The following LAMA5 variants were observed in gnomAD, a reference collection of about 807,000 sequenced individuals.
LAMA5 encodes the protein laminin subunit alpha 5.
A neutral mutation model predicts 433.4 loss-of-function variants in LAMA5; 260 were observed. The ratio of observed to expected loss-of-function variants is 0.60; its 90% CI spans 0.54 to 0.66. LAMA5 has a LOEUF of 0.66. LAMA5 is among the 30% of genes least tolerant of loss of function. The pLI is 0.00. For missense variants in LAMA5, 5,378 were observed against 5,258.5 expected, an observed-to-expected ratio of 1.02 and a Z score of -0.70; for synonymous variants, 2,620 against 2,226.6, an observed-to-expected ratio of 1.18 and a Z score of -4.97.
chr20:62,324,150 C>T lies in LAMA5; in HGVS notation c.5698G>A (p.Val1900Met), dbSNP rs2427283. 1,062,948 of 1,556,012 alleles carry T rather than the reference C, an allele frequency of 0.68. 364,673 individuals are homozygous for T. Among genetic ancestry groups the T allele is most frequent in the East Asian group, 0.78 (33,755 of 43,538 alleles). ...AHCERCQAGFVSSRDDPSAPC... is the reference protein window; with the variant it reads ...AHCERCQAGFMSSRDDPSAPC... Reference sequence around the variant, plus strand: ...GCGCTGGGGTCGTCCCTGCTGCTCACGAAGCCAGCCTGGCAGCGCTCACAG... The same window carrying T: ...GCGCTGGGGTCGTCCCTGCTGCTCATGAAGCCAGCCTGGCAGCGCTCACAG... The change falls in exon 43 of 80, where the codon GTG (valine) becomes ATG (methionine). Residue 1900 changes from valine (V) to methionine (M), a missense_variant. Physicochemically the swap from Val to Met is conservative, Grantham distance 21. Transcript: ENST00000252999. The surrounding 1 kb of genome is among the most constrained non-coding windows in gnomAD (Gnocchi z 4.4).
At position 62,317,660 on chromosome 20, in the gene LAMA5, A is replaced by G; in HGVS notation, c.7356+2T>C. ...GCGACAGGGGCCAGGGGCTGCACTCACCTCCTTAGCCTGGTCCAGGCTGTG... is the reference window on the plus strand; with the variant it reads ...GCGACAGGGGCCAGGGGCTGCACTCGCCTCCTTAGCCTGGTCCAGGCTGTG... On this transcript the variant is annotated splice_donor_variant, in intron 54 of 79. Transcript: ENST00000252999. LOFTEE classifies it high-confidence loss of function. 1 of 1,567,962 alleles carries G rather than the reference A, an allele frequency of 6.4e-7. No individual in the cohort carries two copies. The highest frequency in any genetic ancestry group is 8.6e-7 in the Non-Finnish European group (1 of 1,157,188).
At chr20:62,333,804 A>G (rs1980979370) in intron 23 of LAMA5, 97 bp downstream of exon 23, 1 of 1,246,120 alleles carries the variant, frequency 8.0e-7, no homozygotes, top group Non-Finnish European at 1.0e-6. Flanking sequence ...CCTACCACCC[A>G]CATGAGCCAG....
At chr20:62,354,740 G>A (rs1193200949) in intron 2 of LAMA5, among the ~76,000 whole-genome samples, 1 of 152,088 alleles carries the variant, frequency 6.6e-6, no homozygotes, top group Admixed American at 6.5e-5. Flanking sequence ...ACCCGCCATA[G>A]CCTCTGAGGG....
intron 1 of LAMA5, among the ~76,000 whole-genome samples, chr20:62,364,977 G>A (rs1159078123): frequency 2.6e-5 from 4 of 152,228 alleles, no homozygotes; most frequent in Admixed American, 1.3e-4. Flanking sequence ...CAGACCGGCC[G>A]GCAAGGACTT....
At position 62,313,419 on chromosome 20, in the gene LAMA5, G is replaced by A. The variant is rs150184573; in HGVS notation, c.8700C>T (p.Ile2900=). The A allele has an allele frequency of 7.5e-5, 121 of 1,610,382 alleles. No individual in the cohort carries two copies. The African/African-American group carries it at 1.3e-3, about 17-fold the overall frequency. ...CCTCCTCATTCAGCGTGTCCATCTCGATGCAGCCCCGGTAGCCGGGGAAGC... is the reference window on the plus strand; with the variant it reads ...CCTCCTCATTCAGCGTGTCCATCTCAATGCAGCCCCGGTAGCCGGGGAAGC... ...LLRFPGYRGC[I]EMDTLNEEVV... The change falls in exon 64 of 80, where the codon ATC becomes ATT. Residue 2900 remains isoleucine (I), a synonymous_variant. Coordinates refer to ENST00000252999, the MANE Select transcript of LAMA5 (RefSeq NM_005560.6).
At chr20:62,352,218 C>A in intron 4 of LAMA5, 24 bp downstream of exon 4, 4 of 1,572,888 alleles carry the variant, frequency 2.5e-6, no homozygotes, top group African/African-American at 1.3e-5. Flanking sequence ...AGCCCCCGTA[C>A]CGCCCTGCCC....
chr20:62,351,978 G>A lies in LAMA5; in HGVS notation c.789C>T (p.Phe263=), dbSNP rs368841977. The part of the protein sequence containing the change: ...FTKATNVRLR[F]LRTNTLLGHL... ...GGCCCAGCAGCGTGTTGGTACGCAG[G>A]AAGCGCAGGCGGACGTTGGTGGCCT... Residue 263 remains phenylalanine, a synonymous_variant, in exon 5 of 80, where the codon TTC becomes TTT. Coordinates refer to ENST00000252999, the MANE Select transcript of LAMA5 (RefSeq NM_005560.6). 28 of 1,612,532 alleles carry A rather than the reference G, an allele frequency of 1.7e-5. No homozygotes were observed. Among genetic ancestry groups the A allele is most frequent in the Non-Finnish European group, 2.2e-5 (26 of 1,179,920 alleles).
chr20:62,344,425 T>TCTGTGG (rs1292323521), intron 11 of LAMA5, among the ~76,000 whole-genome samples: 62 of 152,266 alleles, frequency 4.1e-4, no homozygotes, highest in South Asian at 2.1e-4. Flanking sequence ...GCCATGCTGC[T>TCTGTGG]CTGTGGCTGT....
chr20:62,341,929 T>C (rs760548951), intron 11 of LAMA5, among the ~76,000 whole-genome samples: 1 of 151,666 alleles, frequency 6.6e-6, no homozygotes, highest in Non-Finnish European at 1.5e-5. Context: ...CCACTGTGCA[T>C]AACTTTATGT....
In LAMA5 at chr20:62,338,133, C is replaced by T; in HGVS notation, c.1774G>A (p.Ala592Thr). Residue 592 changes from alanine (A) to threonine (T), a missense_variant, in exon 14 of 80, where the codon GCA (alanine) becomes ACA (threonine). Coordinates refer to ENST00000252999, the MANE Select transcript of LAMA5 (RefSeq NM_005560.6). ...PLCQLCGCSPAGTLPEGCDEA... is the reference protein window; with the variant it reads ...PLCQLCGCSPTGTLPEGCDEA... ...TCGCAGCCCTCGGGCAAGGTTCCTG[C>T]AGGGCTGCAGCCACACACTGCAGAG... The T allele has an allele frequency of 2.5e-6, 4 of 1,587,872 alleles. No homozygotes were observed. The highest frequency in any genetic ancestry group is 3.4e-6 in the Non-Finnish European group (4 of 1,166,302).
rs752290946 is a variant in LAMA5, at chr20:62,313,652, G to A, written c.8655C>T (p.Phe2885=). 1.2e-5 allele frequency: 20 copies of A among 1,612,676 alleles called. No individual in the cohort carries two copies. The highest frequency in any genetic ancestry group is 1.7e-5 in the Admixed American group (1 of 60,028). Residue 2885 remains phenylalanine, a synonymous_variant, in exon 63 of 80, where the codon TTC becomes TTT. Transcript: ENST00000252999. ...VFYVGGYPST[F]TPPPLLRFPG... ...GCCCCAGGCCGGGCGGGCTCACCGT[G>A]AAGGTACTGGGGTACCCCCCGACGT...
chr20:62,316,201 T>C, intron 57 of LAMA5, 143 bp from the exon 58 acceptor site: 1 of 641,044 alleles, frequency 1.6e-6, no homozygotes, highest in Non-Finnish European at 2.8e-6. Flanking sequence ...TGGAGTCCCT[T>C]AGCCTGTGGG....
rs6143021 is a variant in LAMA5, at chr20:62,322,716, T to C, written c.6107A>G (p.His2036Arg). 376,367 of 1,541,552 alleles carry C rather than the reference T, an allele frequency of 0.24. 46,810 individuals are homozygous for C. The highest frequency in any genetic ancestry group is 0.26 in the Non-Finnish European group (294,560 of 1,145,232). ...CGCCTTGCACAGGCAGTGCCCGCTG[T>C]GGGGGTCGCAGGCCTCTGTCCCACA... ...TPCGTEACDPHSGHCLCKAGV... is the reference protein window; with the variant it reads ...TPCGTEACDPRSGHCLCKAGV... The change falls in exon 46 of 80, where the codon CAC becomes CGC. Residue 2036 changes from histidine to arginine, a missense_variant. By Grantham distance (29) the His-to-Arg change is conservative. Transcript: ENST00000252999.
intron 20 of LAMA5, 55 bp from the exon 21 acceptor site, chr20:62,334,676 G>T (rs1981203571): frequency 4.8e-6 from 7 of 1,446,152 alleles, no homozygotes; most frequent in Non-Finnish European, 6.5e-6. Flanking sequence ...CAGCCTCAGG[G>T]GCCCCTCACA....
Position 62,346,677 on chromosome 20 carries a change from C to G in LAMA5, c.1191+5G>C, listed in dbSNP as rs762294571. ...GCCCATTCCCAGCCCTCTAGCCCAG[C>G]CCACCTGGCAGTCGATACAGACACC... On this transcript the variant is annotated splice_donor_5th_base_variant and intron_variant, in intron 8 of 79. Coordinates refer to ENST00000252999, the MANE Select transcript of LAMA5 (RefSeq NM_005560.6). The G allele has an allele frequency of 1.9e-6, 3 of 1,612,642 alleles. No homozygotes were observed. The highest frequency in any genetic ancestry group is 1.7e-6 in the Non-Finnish European group (2 of 1,179,318).
At chr20:62,357,598 C>A (rs79583863) in intron 2 of LAMA5, among the ~76,000 whole-genome samples, 1,745 of 152,352 alleles carry the variant, frequency 0.011, 32 homozygotes, top group African/African-American at 0.039. Context: ...GTGCCCCACA[C>A]AGACACCTCT....
rs113725058 is a variant in LAMA5, at chr20:62,362,316, G to A, written c.450+84C>T. ...AGGTCTCGCTCACGGTGGAGACCTC[G>A]CCTTCTGGTCCTGTGGCCCAAGGTA... On this transcript the variant is annotated intron_variant, in intron 2 of 79. Coordinates refer to ENST00000252999, the MANE Select transcript of LAMA5 (RefSeq NM_005560.6). 5.7e-4 allele frequency: 743 copies of A among 1,300,936 alleles called. 12 individuals carry two copies. In the South Asian group the frequency reaches 0.014, roughly 25 times the overall value. The allele number at this position is 1,300,936 out of a possible 1,614,324, so 80.6% of individuals were successfully genotyped here.
At chr20:62,343,774 C>CAAAAAAAAAAAAAAAAAAAAAAAAAAAA (rs11474754) in intron 11 of LAMA5, among the ~76,000 whole-genome samples, 1 of 61,368 alleles carries the variant, frequency 1.6e-5, no homozygotes, top group African/African-American at 5.0e-5. Flanking sequence ...GAAACTCCAT[C>CAAAAAAAAAAAAAAAAAAAAAAAAAAAA]AAAAAAAAAA....
chr20:62,314,690 C>A lies in LAMA5; in HGVS notation c.8232G>T (p.Gly2744=). Residue 2744 remains glycine, a synonymous_variant, in exon 61 of 80, where the codon GGG becomes GGT. Coordinates refer to ENST00000252999, the MANE Select transcript of LAMA5 (RefSeq NM_005560.6). ...GATCCCGTGGGGTGCGCAGCTGCACCCCTGAGCGCCCGTTGAACTTCATGG... is the reference window on the plus strand; with the variant it reads ...GATCCCGTGGGGTGCGCAGCTGCACACCTGAGCGCCCGTTGAACTTCATGG... The part of the protein sequence containing the change: ...KVPMKFNGRS[G]VQLRTPRDLA... The A allele has an allele frequency of 6.2e-7, 1 of 1,612,654 alleles. No homozygotes were observed. Among genetic ancestry groups the A allele is most frequent in the Non-Finnish European group, 8.5e-7 (1 of 1,179,864 alleles).
Sources: allele counts gnomAD v4.1 joint callset (sites outside exome capture counted in the v4.1 genomes callset), GRCh38; gene constraint gnomAD v4.1.1; non-coding constraint Gnocchi (gnomAD v3.1); transcripts MANE v1.5; gene names NCBI Gene and HGNC (gene_info 2026-07-23, HGNC 2026-07-21).